The following ZUP1 variants were observed in gnomAD, a reference collection of about 807,000 sequenced individuals.
ZUP1 encodes zinc finger containing ubiquitin peptidase 1, also known as zinc finger-containing ubiquitin peptidase 1.
Under a neutral mutation model 68.1 loss-of-function variants are expected in ZUP1, and 55 were observed. The ratio of observed to expected loss-of-function variants is 0.81; its 90% confidence interval spans 0.65 to 1.01. ZUP1 has a LOEUF of 1.01. Among genes scored for constraint, ZUP1 ranks in the 50% least tolerant of loss-of-function variants. The pLI is 0.00. For synonymous variants in ZUP1, 223 were observed against 221.5 expected (o/e 1.01, Z -0.06); for missense variants, 684 against 674.9 (o/e 1.01, Z -0.15).
chr6:116,666,819 T>A lies in ZUP1; in HGVS notation c.374A>T (p.Glu125Val). ...HEGFYSENLT[E>V]SRKFLKSREK... ...CCTACTTTTCAGGAATTTTCTAGAT[T>A]CAGTTAAGTTCTCTGAATAGAAGCC... The change falls in exon 2 of 10, where the codon GAA (glutamate) becomes GTA (valine). Residue 125 changes from glutamate (E) to valine (V), a missense_variant. Coordinates refer to ENST00000368576, the MANE Select transcript of ZUP1 (RefSeq NM_145062.3). 1 of 1,612,892 alleles carries A rather than the reference T, an allele frequency of 6.2e-7. No homozygotes were observed. Among genetic ancestry groups the A allele is most frequent in the Non-Finnish European group, 8.5e-7 (1 of 1,179,694 alleles).
At chr6:116,651,972 A>G (rs199818351) in intron 6 of ZUP1, 32 bp downstream of exon 6, 2 of 1,601,514 alleles carry the variant, frequency 1.2e-6, no homozygotes, top group Non-Finnish European at 1.7e-6. Flanking sequence ...ATTTTATCAG[A>G]TGACAAGTTC....
At chr6:116,663,237 TTC>T (rs1265751634) in intron 2 of ZUP1, among the ~76,000 whole-genome samples, 1 of 151,554 alleles carries the variant, frequency 6.6e-6, no homozygotes. Flanking sequence ...AACCCTATTT[TTC>T]TGTCATTCAT....
intron 9 of ZUP1, among the ~76,000 whole-genome samples, chr6:116,644,460 C>A (rs1197270500): frequency 1.3e-5 from 2 of 152,140 alleles, no homozygotes; most frequent in Non-Finnish European, 2.9e-5. Flanking sequence ...CAGTGATAGA[C>A]TGGATTAAGA....
chr6:116,639,476 C>A (rs1484100810), intron 9 of ZUP1, among the ~76,000 whole-genome samples: 9 of 152,176 alleles, frequency 5.9e-5, no homozygotes, highest in Admixed American at 5.9e-4. Flanking sequence ...CGGCCGGGTA[C>A]TCCTCTGAGA....
At chr6:116,643,222 T>A (rs1776180133) in intron 9 of ZUP1, among the ~76,000 whole-genome samples, 1 of 152,198 alleles carries the variant, frequency 6.6e-6, no homozygotes. Flanking sequence ...TCTATGCTCA[T>A]GGGTAGGAAG....
At chr6:116,647,405 C>T (rs1213270090) in intron 8 of ZUP1, 54 bp downstream of exon 8, 5 of 1,391,664 alleles carry the variant, frequency 3.6e-6, no homozygotes, top group Non-Finnish European at 4.8e-6. Context: ...CTGAAAGCAA[C>T]AATTTGTTAT....
chr6:116,643,754 T>C (rs1323947796), intron 9 of ZUP1, among the ~76,000 whole-genome samples: 1 of 152,124 alleles, frequency 6.6e-6, no homozygotes, highest in African/African-American at 2.4e-5. Context: ...AACCTAGGCA[T>C]TACCATTCAG....
chr6:116,665,414 A>G (rs112248795), intron 2 of ZUP1, among the ~76,000 whole-genome samples: 69 of 152,314 alleles, frequency 4.5e-4, no homozygotes, highest in African/African-American at 1.5e-3. Context: ...CCATGAAAGA[A>G]GAAATTGTCA....
rs150337850 is a variant in ZUP1, at chr6:116,651,908, CACTA to C, written c.1150+92_1150+95del. 1,127 of 1,418,968 alleles carry C rather than the reference CACTA, an allele frequency of 7.9e-4. 6 individuals carry two copies. In the African/African-American group the frequency reaches 0.014, roughly 18 times the overall value. The allele number at this position is 1,418,968 out of a possible 1,614,324, so 87.9% of individuals were successfully genotyped here. On this transcript the variant is annotated intron_variant, in intron 6 of 9. Coordinates refer to ENST00000368576, the MANE Select transcript of ZUP1 (RefSeq NM_145062.3). ...AATTCAGGTTTCTTATATAAATATC[CACTA>C]ACTGTTAAAGCTATTAATTGTGTAT...
intron 9 of ZUP1, among the ~76,000 whole-genome samples, chr6:116,638,972 C>A (rs1000006489): frequency 6.6e-6 from 1 of 152,190 alleles, no homozygotes; most frequent in Non-Finnish European, 1.5e-5. Context: ...GAACATCGGG[C>A]CACTCCCACC....
chr6:116,667,908 G>T (rs1231339282), intron 1 of ZUP1, among the ~76,000 whole-genome samples: 2 of 152,112 alleles, frequency 1.3e-5, no homozygotes. Flanking sequence ...TTTGGGTAAG[G>T]AATCTCATCT....
chr6:116,637,799 A>G, intron 9 of ZUP1, among the ~76,000 whole-genome samples: 1 of 152,260 alleles, frequency 6.6e-6, no homozygotes, highest in Non-Finnish European at 1.5e-5. Context: ...ACGGTGGCTC[A>G]CGCCTGTAAT....
intron 9 of ZUP1, among the ~76,000 whole-genome samples, chr6:116,644,113 G>C (rs1018287542): frequency 1.3e-5 from 2 of 152,206 alleles, no homozygotes; most frequent in African/African-American, 4.8e-5. Context: ...GGCCATCAGA[G>C]AAATGCAAAT....
intron 9 of ZUP1, among the ~76,000 whole-genome samples, chr6:116,641,916 G>C (rs1318030037): frequency 1.3e-5 from 2 of 151,896 alleles, no homozygotes; most frequent in Non-Finnish European, 2.9e-5. Flanking sequence ...TTTTTTGAAA[G>C]GATCAACAAA....
chr6:116,647,560 G>A lies in ZUP1; in HGVS notation c.1367C>T (p.Pro456Leu), dbSNP rs1329710367. Residue 456 changes from proline to leucine, a missense_variant, in exon 8 of 10, where the codon CCT becomes CTT. Coordinates refer to ENST00000368576, the MANE Select transcript of ZUP1 (RefSeq NM_145062.3). Reference sequence around the variant, plus strand: ...GTTCAATATCCATTCAAATAAGCGAGGGTGTGTACCCAAAGGACCAGTTGA... The same window carrying A: ...GTTCAATATCCATTCAAATAAGCGAAGGTGTGTACCCAAAGGACCAGTTGA... ...HKSTGPLGTH[P>L]RLFEWILNYY... 1 of 1,598,976 alleles carries A rather than the reference G, an allele frequency of 6.3e-7. No homozygotes were observed. Among genetic ancestry groups the A allele is most frequent in the Non-Finnish European group, 8.5e-7 (1 of 1,169,604 alleles).
At chr6:116,650,919 C>T (rs762579723) in intron 7 of ZUP1, among the ~76,000 whole-genome samples, 1 of 152,032 alleles carries the variant, frequency 6.6e-6, no homozygotes, top group African/African-American at 2.4e-5. Context: ...AGACTACACA[C>T]ACACACACAC....
chr6:116,651,275 G>A (rs1320522417), intron 7 of ZUP1, among the ~76,000 whole-genome samples: 2 of 152,034 alleles, frequency 1.3e-5, no homozygotes. Flanking sequence ...CATATCAGAA[G>A]GATTGAAGGT....
chr6:116,650,576 TTTAA>T (rs1776460663), intron 7 of ZUP1, among the ~76,000 whole-genome samples: 1 of 152,192 alleles, frequency 6.6e-6, no homozygotes, highest in Non-Finnish European at 1.5e-5. Context: ...TATTATCCCA[TTTAA>T]TTGTCTAACT....
intron 9 of ZUP1, among the ~76,000 whole-genome samples, chr6:116,636,368 A>C (rs1775910321): frequency 6.6e-6 from 1 of 152,218 alleles, no homozygotes; most frequent in South Asian, 2.1e-4. Flanking sequence ...CAAGCTGAGA[A>C]TACAAGGATG....
Sources: gnomAD v4.1 joint callset for allele counts (sites outside exome capture counted in the v4.1 genomes callset) on GRCh38, gnomAD v4.1.1 for gene constraint, MANE v1.5 for transcripts, NCBI Gene and HGNC (gene_info 2026-07-23, HGNC 2026-07-21) for gene names.